USP43: variants seen among roughly 807,000 people sequenced by gnomAD.
USP43 encodes ubiquitin specific peptidase 43.
A neutral mutation model predicts 90.7 loss-of-function variants in USP43; 33 were observed. That is an observed-to-expected ratio of 0.36 (90% CI 0.28 to 0.49). The LOEUF (loss-of-function observed/expected upper bound fraction) is 0.49. Among genes scored for constraint, USP43 ranks in the 20% least tolerant of loss-of-function variants. USP43 has a pLI of 0.98. For synonymous variants in USP43, 598 were observed against 615.8 expected (o/e 0.97, Z 0.43); for missense variants, 1,274 against 1,476.4 (o/e 0.86, Z 2.25).
In USP43 at chr17:9,728,757, A is replaced by T. The variant is rs866332800; in HGVS notation, c.3139A>T (p.Ile1047Phe). The change falls in exon 15 of 15, where the codon ATC becomes TTC. Residue 1047 changes from isoleucine (I) to phenylalanine (F), a missense_variant. Ile to Phe is a conservative substitution (Grantham distance 21). Around this residue, in one of 6 missense-constraint regions of USP43, gnomAD observed 353 missense variants for 329.7 expected, o/e 1.07. Coordinates refer to ENST00000285199, the MANE Select transcript of USP43 (RefSeq NM_153210.5). The surrounding 1 kb of genome is among the most constrained non-coding windows in gnomAD (Gnocchi z 6.2). Reference sequence around the variant, plus strand: ...TCCAGGCTCACCTCCTGCCCTCAGGATCCCAGAGGGCCTGGCCAGGGGCCT... The same window carrying T: ...TCCAGGCTCACCTCCTGCCCTCAGGTTCCCAGAGGGCCTGGCCAGGGGCCT... Reference protein sequence around the residue: ...QAPGSPPALRIPEGLARGLGS... With the variant: ...QAPGSPPALRFPEGLARGLGS... 1.0e-5 allele frequency: 16 copies of T among 1,604,976 alleles called. No homozygotes were observed. The African/African-American group carries it at 1.3e-4, about 13-fold the overall frequency.
In USP43 at chr17:9,682,843, G is replaced by T; in HGVS notation, c.1126G>T (p.Ala376Ser). 6.2e-7 allele frequency: 1 copy of T among 1,613,940 alleles called. No individual in the cohort carries two copies. Among genetic ancestry groups the T allele is most frequent in the Non-Finnish European group, 8.5e-7 (1 of 1,179,862 alleles). The stretch of plus-strand genomic sequence containing the variant: ...TCTAGCTCATCCACTGGGTCTGTCG[G>T]CCTCCCCACGCCTGGCAGCCCGTGA... Reference protein sequence around the residue: ...TLSAHPLGLSASPRLAAREGQ... With the variant: ...TLSAHPLGLSSSPRLAAREGQ... Residue 376 changes from alanine (A) to serine (S), a missense_variant, in exon 7 of 15, where the codon GCC becomes TCC. Ala to Ser is a moderately conservative substitution (Grantham distance 99). Coordinates refer to ENST00000285199, the MANE Select transcript of USP43 (RefSeq NM_153210.5).
At position 9,708,133 on chromosome 17, in the gene USP43, G is replaced by T. The variant is rs569708734; in HGVS notation, c.2012-1823G>T. Among the ~76,000 whole-genome samples the T allele has an allele frequency of 1.8e-3, 272 of 152,316 alleles. 3 individuals are homozygous for T. The highest frequency in any genetic ancestry group is 6.4e-3 in the African/African-American group (266 of 41,568). ...AAAGGCCCTGAGGCAGAAAGCATTCGGTGTGTTTAAGACATGATGACAGCC... is the reference window on the plus strand; with the variant it reads ...AAAGGCCCTGAGGCAGAAAGCATTCTGTGTGTTTAAGACATGATGACAGCC... On this transcript the variant is annotated intron_variant, in intron 12 of 14. Transcript: ENST00000285199.
Position 9,680,214 on chromosome 17 carries a change from G to A in USP43, c.970-17G>A. On this transcript the variant is annotated splice_polypyrimidine_tract_variant and intron_variant, in intron 5 of 14. Coordinates refer to ENST00000285199, the MANE Select transcript of USP43 (RefSeq NM_153210.5). Reference sequence around the variant, plus strand: ...TCTTTCAGAAATCAAGAGGGAAAATGATCTTTCTCATTTCAGGTGATCTTG... The same window carrying A: ...TCTTTCAGAAATCAAGAGGGAAAATAATCTTTCTCATTTCAGGTGATCTTG... 6.2e-7 allele frequency: 1 copy of A among 1,609,276 alleles called. No homozygotes were observed. The highest frequency in any genetic ancestry group is 8.5e-7 in the Non-Finnish European group (1 of 1,177,024).
chr17:9,709,798 C>T lies in USP43; in HGVS notation c.2012-158C>T, dbSNP rs1916083467. On this transcript the variant is annotated intron_variant, in intron 12 of 14. Transcript: ENST00000285199. This position sits in a 1 kb window ranked among gnomAD's most constrained non-coding sequence, Gnocchi z 5.0. ...GAATCCGAGGGTATAACTTACTGAT[C>T]TTTTCTGATTCCAAAAAAAATTCAT... Among the ~76,000 whole-genome samples, 1 of 152,154 alleles carries T rather than the reference C, an allele frequency of 6.6e-6. No homozygotes were observed. Among genetic ancestry groups the T allele is most frequent in the South Asian group, 2.1e-4 (1 of 4,824 alleles).
intron 1 of USP43, among the ~76,000 whole-genome samples, chr17:9,654,296 G>A (rs974656232): frequency 6.6e-6 from 1 of 152,100 alleles, no homozygotes; most frequent in Non-Finnish European, 1.5e-5. Context: ...TGAGCATCTT[G>A]TATTTTTATT....
At chr17:9,685,346 A>G (rs898753121) in intron 7 of USP43, among the ~76,000 whole-genome samples, 5 of 152,208 alleles carry the variant, frequency 3.3e-5, no homozygotes, top group African/African-American at 7.2e-5. Context: ...CATTCTGTAC[A>G]CCATGAGCTC....
At chr17:9,712,221 C>A in intron 14 of USP43, 89 bp downstream of exon 14, 2 of 1,390,946 alleles carry the variant, frequency 1.4e-6, no homozygotes, top group South Asian at 1.7e-5. Context: ...ACTTCGTAGT[C>A]TTGAATGGAA....
chr17:9,658,711 G>C (rs1185685086), intron 2 of USP43, among the ~76,000 whole-genome samples: 1 of 152,124 alleles, frequency 6.6e-6, no homozygotes, highest in South Asian at 2.1e-4. Flanking sequence ...ATTTAACTTA[G>C]TCTCACTTAA....
chr17:9,709,938 G>A lies in USP43; in HGVS notation c.2012-18G>A, dbSNP rs1916089798. The A allele has an allele frequency of 7.1e-7, 1 of 1,402,440 alleles. No individual in the cohort carries two copies. The highest frequency in any genetic ancestry group is 1.5e-5 in the African/African-American group (1 of 67,894). 86.9% of individuals were successfully genotyped at this position (1,402,440 alleles called of 1,614,324 possible). On this transcript the variant is annotated intron_variant, in intron 12 of 14. Coordinates refer to ENST00000285199, the MANE Select transcript of USP43 (RefSeq NM_153210.5). The surrounding 1 kb of genome is among the most constrained non-coding windows in gnomAD (Gnocchi z 5.0). ...TTGGGGCTCCAATAACTCAGACTTG[G>A]GGATGGGACCTTTGCAGCCTACTGC...
chr17:9,726,019 G>A (rs902084814), intron 14 of USP43, among the ~76,000 whole-genome samples: 26 of 152,160 alleles, frequency 1.7e-4, no homozygotes, highest in African/African-American at 6.0e-4. Context: ...GTAAAATTGT[G>A]TCTATGACTG....
At chr17:9,715,185 C>T (rs540499563) in intron 14 of USP43, among the ~76,000 whole-genome samples, 35 of 152,244 alleles carry the variant, frequency 2.3e-4, no homozygotes, top group Admixed American at 7.9e-4. Context: ...TAAGGCTGAG[C>T]GTTGTCAGAT....
At chr17:9,648,248 G>A (rs1355214783) in intron 1 of USP43, among the ~76,000 whole-genome samples, 1 of 152,178 alleles carries the variant, frequency 6.6e-6, no homozygotes. Flanking sequence ...GAGGAGTGGA[G>A]GATCCCAGAA....
chr17:9,674,970 T>G lies in USP43; in HGVS notation c.820T>G (p.Leu274Val). ...PFLCVSLPIPLRQTRFLSVTL... is the reference protein window; with the variant it reads ...PFLCVSLPIPVRQTRFLSVTL... The stretch of plus-strand genomic sequence containing the variant: ...CCTGTGTGTGTCCCTACCTATCCCC[T>G]TGCGCCAGACGAGGTACGTGAGTGT... Residue 274 changes from leucine (L) to valine (V), a missense_variant, in exon 4 of 15, where the codon TTG becomes GTG. Coordinates refer to ENST00000285199, the MANE Select transcript of USP43 (RefSeq NM_153210.5). This position sits in a 1 kb window ranked among gnomAD's most constrained non-coding sequence, Gnocchi z 4.4. 1 of 1,614,034 alleles carries G rather than the reference T, an allele frequency of 6.2e-7. No homozygotes were observed. The highest frequency in any genetic ancestry group is 2.2e-5 in the East Asian group (1 of 44,888).
At chr17:9,666,576 C>T in intron 2 of USP43, 72 bp from the exon 3 acceptor site, 1 of 1,276,928 alleles carries the variant, frequency 7.8e-7, no homozygotes. Context: ...GAAGCATGGG[C>T]TCGGTGGTCT....
At chr17:9,684,317 T>C (rs11870979) in intron 7 of USP43, among the ~76,000 whole-genome samples, 49,448 of 151,468 alleles carry the variant, frequency 0.33, 9,372 homozygotes, top group East Asian at 0.63. Context: ...AAAGGACAAA[T>C]GAGGAAAGAT....
intron 7 of USP43, among the ~76,000 whole-genome samples, chr17:9,685,506 G>A (rs1914549833): frequency 6.6e-6 from 1 of 152,194 alleles, no homozygotes; most frequent in Non-Finnish European, 1.5e-5. Flanking sequence ...TCCCTGCTGT[G>A]AGTAAGAGAT....
intron 3 of USP43, among the ~76,000 whole-genome samples, chr17:9,673,992 G>A (rs535127675): frequency 1.9e-4 from 29 of 152,148 alleles, no homozygotes; most frequent in Non-Finnish European, 3.4e-4. Context: ...GAGCTTAAAA[G>A]CTCAGGATTT....
rs1191589418 is a variant in USP43 at position 9,688,988 on chromosome 17, C to T, written c.1353+2079C>T. On this transcript the variant is annotated intron_variant, in intron 8 of 14. Transcript: ENST00000285199. ...ACAGGTGTGAGCCACTGTGCCCAGC[C>T]CAATTTCAATTTTAGAAATGGATCA... Among the ~76,000 whole-genome samples the T allele has an allele frequency of 2.6e-5, 4 of 152,076 alleles. No individual in the cohort carries two copies. The South Asian group carries it at 8.3e-4, about 32-fold the overall frequency.
chr17:9,715,849 A>T (rs1916521022), intron 14 of USP43, among the ~76,000 whole-genome samples: 1 of 115,666 alleles, frequency 8.6e-6, no homozygotes. Flanking sequence ...ATCTGTGTAT[A>T]TGTGTCTGTG....
Sources: gnomAD v4.1 joint callset for allele counts (sites outside exome capture counted in the v4.1 genomes callset) on GRCh38, gnomAD v4.1.1 for gene constraint, gnomAD v4.1.1 regional missense constraint, Gnocchi (gnomAD v3.1) non-coding constraint, MANE v1.5 for transcripts, NCBI Gene and HGNC (gene_info 2026-07-23, HGNC 2026-07-21) for gene names.